Variants in MAGI1 observed in about 807,000 individuals in gnomAD.
The protein encoded by MAGI1 is membrane-associated guanylate kinase, WW and PDZ domain-containing protein 1.
In MAGI1, 58 loss-of-function variants were observed where a neutral mutation model predicts 139.9. The observed-to-expected ratio is 0.41, with a 90% CI of 0.34 to 0.52. The LOEUF (loss-of-function observed/expected upper bound fraction) is 0.52. MAGI1 is among the 20% of genes least tolerant of loss of function. MAGI1 has a pLI of 0.12. For missense variants in MAGI1, 1,874 were observed against 1,901.6 expected, an observed-to-expected ratio of 0.99 and a Z score of 0.27; for synonymous variants, 812 against 737.9, an observed-to-expected ratio of 1.10 and a Z score of -1.63.
At chr3:65,631,796 A>C (rs1166225199) in intron 1 of MAGI1, among the ~76,000 whole-genome samples, 1 of 152,124 alleles carries the variant, frequency 6.6e-6, no homozygotes, top group Admixed American at 6.5e-5. Context: ...GGTGGATCAC[A>C]TGAGGTCACA....
At chr3:65,680,080 G>C (rs1444854083) in intron 1 of MAGI1, among the ~76,000 whole-genome samples, 1 of 152,096 alleles carries the variant, frequency 6.6e-6, no homozygotes, top group Admixed American at 6.5e-5. Context: ...TAAGTATGGG[G>C]ACAAGAAAGC....
chr3:65,415,237 A>T (rs1313662106), intron 12 of MAGI1, among the ~76,000 whole-genome samples: 1 of 151,512 alleles, frequency 6.6e-6, no homozygotes, highest in Non-Finnish European at 1.5e-5. Context: ...CCTTTTCTCT[A>T]CTCCAGACAA....
At chr3:65,423,728 C>T (rs979849213) in intron 12 of MAGI1, among the ~76,000 whole-genome samples, 14 of 152,156 alleles carry the variant, frequency 9.2e-5, no homozygotes, top group Non-Finnish European at 1.3e-4. Context: ...CACAGAAACT[C>T]CCTGGGCCTC....
intron 2 of MAGI1, among the ~76,000 whole-genome samples, chr3:65,593,840 A>T (rs2082069609): frequency 6.6e-6 from 1 of 152,228 alleles, no homozygotes; most frequent in South Asian, 2.1e-4. Flanking sequence ...GAAATAATTT[A>T]AAAATCTCCA....
At chr3:65,820,840 A>T (rs778130383) in intron 1 of MAGI1, among the ~76,000 whole-genome samples, 7 of 152,124 alleles carry the variant, frequency 4.6e-5, no homozygotes, top group Non-Finnish European at 7.3e-5. Context: ...CCAGGTCAAT[A>T]TCATCCCAGA....
intron 1 of MAGI1, among the ~76,000 whole-genome samples, chr3:66,037,203 T>C (rs535167665): frequency 2.0e-5 from 3 of 152,300 alleles, no homozygotes; most frequent in Non-Finnish European, 4.4e-5. Flanking sequence ...AACTCGTTCT[T>C]AGAACTGTTG....
intron 1 of MAGI1, among the ~76,000 whole-genome samples, chr3:65,975,667 AAAT>A (rs1576325406): frequency 1.3e-5 from 2 of 152,110 alleles, no homozygotes; most frequent in Non-Finnish European, 2.9e-5. Flanking sequence ...AAATAAAATA[AAAT>A]AATAAAGAAA....
At chr3:65,390,355 C>T (rs1943819212) in intron 14 of MAGI1, among the ~76,000 whole-genome samples, 1 of 152,170 alleles carries the variant, frequency 6.6e-6, no homozygotes, top group Non-Finnish European at 1.5e-5. Flanking sequence ...TCATAGCTGC[C>T]TCACCCTGAC....
At chr3:65,848,153 T>C (rs1197114784) in intron 1 of MAGI1, among the ~76,000 whole-genome samples, 1 of 152,216 alleles carries the variant, frequency 6.6e-6, no homozygotes, top group Non-Finnish European at 1.5e-5. Context: ...GTCAGAAGCA[T>C]TCCACTTTGT....
intron 1 of MAGI1, among the ~76,000 whole-genome samples, chr3:65,634,718 A>G (rs531287063): frequency 6.6e-6 from 1 of 152,310 alleles, no homozygotes; most frequent in East Asian, 1.9e-4. Flanking sequence ...GCTTGATTAG[A>G]TCTGGAATTT....
intron 12 of MAGI1, among the ~76,000 whole-genome samples, chr3:65,404,636 T>C (rs1414334007): frequency 6.6e-6 from 1 of 152,200 alleles, no homozygotes; most frequent in Non-Finnish European, 1.5e-5. Flanking sequence ...CTAATACATA[T>C]GAATGCTGGA....
chr3:65,370,175 G>A (rs1001913134), intron 18 of MAGI1, among the ~76,000 whole-genome samples: 1 of 151,952 alleles, frequency 6.6e-6, no homozygotes, highest in Non-Finnish European at 1.5e-5. Flanking sequence ...CTTAAAATAG[G>A]AGCATCACCA....
intron 2 of MAGI1, among the ~76,000 whole-genome samples, chr3:65,545,573 T>C (rs972443656): frequency 1.3e-5 from 2 of 152,116 alleles, no homozygotes; most frequent in African/African-American, 4.8e-5. Context: ...TTTATTGTGA[T>C]GAAATTATAA....
At chr3:65,617,380 T>C (rs1390965626) in intron 2 of MAGI1, among the ~76,000 whole-genome samples, 2 of 152,234 alleles carry the variant, frequency 1.3e-5, no homozygotes, top group Non-Finnish European at 2.9e-5. Context: ...GTATCTCGTT[T>C]TGACAGCAGC....
At chr3:65,904,792 G>C (rs1046243976) in intron 1 of MAGI1, among the ~76,000 whole-genome samples, 2 of 152,202 alleles carry the variant, frequency 1.3e-5, no homozygotes, top group African/African-American at 2.4e-5. Flanking sequence ...CAGGAGGTCA[G>C]GGCCATATGC....
At chr3:65,375,440 G>A (rs193083349) in intron 18 of MAGI1, among the ~76,000 whole-genome samples, 3,058 of 152,242 alleles carry the variant, frequency 0.02, 42 homozygotes, top group Non-Finnish European at 0.032. Flanking sequence ...ACCCGCCTCG[G>A]CCTCCCAAAG....
chr3:65,991,573 T>C (rs1213058508), intron 1 of MAGI1, among the ~76,000 whole-genome samples: 1 of 152,184 alleles, frequency 6.6e-6, no homozygotes, highest in Non-Finnish European at 1.5e-5. Flanking sequence ...GACTACCTCC[T>C]GGCCTGTTTC....
intron 2 of MAGI1, among the ~76,000 whole-genome samples, chr3:65,621,196 A>G (rs2083651352): frequency 6.6e-6 from 1 of 152,340 alleles, no homozygotes; most frequent in Admixed American, 6.5e-5. Context: ...CTAAGTAATA[A>G]AACCAGAATC....
chr3:65,737,974 A>G (rs1210535078), intron 1 of MAGI1, among the ~76,000 whole-genome samples: 1 of 152,186 alleles, frequency 6.6e-6, no homozygotes, highest in African/African-American at 2.4e-5. Flanking sequence ...TTCTAACTTG[A>G]AAATAAAAAC....
Sources: gnomAD v4.1 joint callset for allele counts (sites outside exome capture counted in the v4.1 genomes callset) on GRCh38, gnomAD v4.1.1 for gene constraint, MANE v1.5 for transcripts, NCBI Gene and HGNC (gene_info 2026-07-23, HGNC 2026-07-21) for gene names.